The following NCKAP5 variants were observed in gnomAD, a reference collection of about 807,000 sequenced individuals.
NCKAP5 encodes nck-associated protein 5.
Under a neutral mutation model 167.0 loss-of-function variants are expected in NCKAP5, and 92 were observed. The observed-to-expected ratio is 0.55, with a 90% CI of 0.47 to 0.66. The LOEUF (loss-of-function observed/expected upper bound fraction) is 0.66, where lower values mean the gene tolerates loss of function less well. Ranked by LOEUF, NCKAP5 falls within the 30% of genes least tolerant of loss-of-function variation. The pLI is 0.00. For missense variants in NCKAP5, 2,378 were observed against 2,315.0 expected, an observed-to-expected ratio of 1.03 and a Z score of -0.56; for synonymous variants, 891 against 877.4, an observed-to-expected ratio of 1.02 and a Z score of -0.27.
intron 7 of NCKAP5, among the ~76,000 whole-genome samples, chr2:132,979,445 A>G (rs2077066130): frequency 6.6e-6 from 1 of 152,032 alleles, no homozygotes; most frequent in Non-Finnish European, 1.5e-5. Flanking sequence ...TGAGTGACCC[A>G]CTGACCTTGC....
chr2:132,784,399 A>T lies in NCKAP5; in HGVS notation c.2412T>A (p.Pro804=), dbSNP rs773390287. Residue 804 remains proline (P), a synonymous_variant, in exon 14 of 20, where the codon CCT becomes CCA. Transcript: ENST00000409261. The part of the protein sequence containing the change: ...IYQKQNLTKI[P]PRGKSSPQKS... The stretch of plus-strand genomic sequence containing the variant: ...TCTGAGGTGAAGACTTGCCCCTGGG[A>T]GGTATTTTTGTCAGATTTTGCTTTT... 6.2e-7 allele frequency: 1 copy of T among 1,613,396 alleles called. No individual in the cohort carries two copies. The highest frequency in any genetic ancestry group is 1.1e-5 in the South Asian group (1 of 91,000).
chr2:133,275,821 A>G (rs532732488), intron 4 of NCKAP5, among the ~76,000 whole-genome samples: 3 of 152,104 alleles, frequency 2.0e-5, no homozygotes, highest in South Asian at 2.1e-4. Flanking sequence ...TTCTTTTTTA[A>G]ATAGATCACT....
chr2:133,098,966 C>T (rs192254704), intron 6 of NCKAP5, among the ~76,000 whole-genome samples: 2 of 152,240 alleles, frequency 1.3e-5, no homozygotes, highest in East Asian at 1.9e-4. Flanking sequence ...AACTTGGTAA[C>T]AATTCATCAG....
At chr2:133,041,973 A>C (rs968040209) in intron 6 of NCKAP5, among the ~76,000 whole-genome samples, 4 of 152,268 alleles carry the variant, frequency 2.6e-5, no homozygotes, top group Admixed American at 2.6e-4. Flanking sequence ...AAACACACCA[A>C]AGAATACCAT....
In NCKAP5 at chr2:133,448,152, T is replaced by C. The variant is rs144104431; in HGVS notation, c.69+69306A>G. On this transcript the variant is annotated intron_variant, in intron 3 of 19. Coordinates refer to ENST00000409261, the MANE Select transcript of NCKAP5 (RefSeq NM_207363.3). The stretch of plus-strand genomic sequence containing the variant: ...TATTCCTCTGAAAATATTTTGATTA[T>C]GTTACCATCTGAAATGAAAGCAAGT... Among the ~76,000 whole-genome samples, 272 of 152,202 alleles carry C rather than the reference T, an allele frequency of 1.8e-3. 1 individual carries two copies. Among genetic ancestry groups the C allele is most frequent in the African/African-American group, 6.4e-3 (264 of 41,516 alleles).
chr2:132,793,757 G>T (rs1558786716), intron 12 of NCKAP5, among the ~76,000 whole-genome samples: 1 of 152,152 alleles, frequency 6.6e-6, no homozygotes. Context: ...TGTACGTGTA[G>T]CGGTAGTTAC....
intron 6 of NCKAP5, among the ~76,000 whole-genome samples, chr2:133,113,417 G>A (rs1168519276): frequency 6.6e-6 from 1 of 152,186 alleles, no homozygotes; most frequent in African/African-American, 2.4e-5. Context: ...ATGTGAACAC[G>A]ATTAGGGAAG....
chr2:133,059,681 A>G (rs2079928202), intron 6 of NCKAP5, among the ~76,000 whole-genome samples: 1 of 152,090 alleles, frequency 6.6e-6, no homozygotes, highest in Non-Finnish European at 1.5e-5. Context: ...TTCAAAAAAA[A>G]AAAAGAAAGA....
chr2:133,618,005 C>A, the NCKAP5 span, among the ~76,000 whole-genome samples: 4 of 152,024 alleles, frequency 2.6e-5, no homozygotes, highest in Non-Finnish European at 5.9e-5. Flanking sequence ...TGCCCCATAT[C>A]TACAACTATC....
At chr2:133,161,526 C>T (rs950094064) in intron 5 of NCKAP5, among the ~76,000 whole-genome samples, 2 of 152,118 alleles carry the variant, frequency 1.3e-5, no homozygotes, top group African/African-American at 4.8e-5. Context: ...CAAATACAGC[C>T]GGGTACCCAC....
chr2:133,459,951 A>G (rs1692099413), intron 3 of NCKAP5, among the ~76,000 whole-genome samples: 1 of 152,228 alleles, frequency 6.6e-6, no homozygotes, highest in Admixed American at 6.5e-5. Context: ...TATTTAAAAC[A>G]TTGATAAGTA....
Position 133,045,368 on chromosome 2 carries a change from T to C in NCKAP5, c.342-51129A>G, listed in dbSNP as rs908830728. On this transcript the variant is annotated intron_variant, in intron 6 of 19. Transcript: ENST00000409261. Reference sequence around the variant, plus strand: ...ACCCATGAAAATGTTAAAAAGTATATATATCTATATCTATCTATATATATA... The same window carrying C: ...ACCCATGAAAATGTTAAAAAGTATACATATCTATATCTATCTATATATATA... Among the ~76,000 whole-genome samples, 5 of 151,918 alleles carry C rather than the reference T, an allele frequency of 3.3e-5. No individual in the cohort carries two copies. In the East Asian group the frequency reaches 7.7e-4, roughly 23 times the overall value.
At chr2:132,863,449 A>T (rs769391678) in intron 10 of NCKAP5, among the ~76,000 whole-genome samples, 70 of 32,600 alleles carry the variant, frequency 2.1e-3, no homozygotes, top group East Asian at 4.8e-3. Flanking sequence ...TCAGATGGGT[A>T]AAAAAAAAAA....
intron 5 of NCKAP5, among the ~76,000 whole-genome samples, chr2:133,162,685 T>G (rs2083843117): frequency 6.6e-6 from 1 of 152,216 alleles, no homozygotes; most frequent in Non-Finnish European, 1.5e-5. Context: ...CATTGTTTTT[T>G]TTTGTTTCTT....
At chr2:132,956,831 C>A (rs2076358267) in intron 8 of NCKAP5, among the ~76,000 whole-genome samples, 1 of 152,100 alleles carries the variant, frequency 6.6e-6, no homozygotes, top group Admixed American at 6.6e-5. Flanking sequence ...ACAAGGATAC[C>A]CTTGGAGCAC....
chr2:132,969,367 TTC>T (rs2076764014), intron 7 of NCKAP5, among the ~76,000 whole-genome samples: 1 of 152,188 alleles, frequency 6.6e-6, no homozygotes, highest in African/African-American at 2.4e-5. Flanking sequence ...ACAGTTTAAT[TTC>T]TCAGTTAGCA....
At chr2:132,864,129 A>G (rs1553463169) in intron 10 of NCKAP5, among the ~76,000 whole-genome samples, 1 of 152,184 alleles carries the variant, frequency 6.6e-6, no homozygotes, top group Non-Finnish European at 1.5e-5. Context: ...TCTCCTCTGG[A>G]TAGGTGCCAT....
chr2:133,176,929 T>C (rs2084487824), intron 5 of NCKAP5, among the ~76,000 whole-genome samples: 1 of 152,174 alleles, frequency 6.6e-6, no homozygotes, highest in South Asian at 2.1e-4. Context: ...TAATTCCATA[T>C]AGGGAATATT....
chr2:132,789,230 C>A (rs1683849472), intron 13 of NCKAP5, among the ~76,000 whole-genome samples: 1 of 152,200 alleles, frequency 6.6e-6, no homozygotes, highest in South Asian at 2.1e-4. Flanking sequence ...CAGGGATATT[C>A]ACAAAGCGAG....
Sources: gnomAD v4.1 joint callset for allele counts (sites outside exome capture counted in the v4.1 genomes callset) on GRCh38, gnomAD v4.1.1 for gene constraint, MANE v1.5 for transcripts, NCBI Gene and HGNC (gene_info 2026-07-23, HGNC 2026-07-21) for gene names.